The following SLC24A2 variants were observed in gnomAD, a reference collection of about 807,000 sequenced individuals.
SLC24A2 encodes the protein sodium/potassium/calcium exchanger 2.
In SLC24A2, 36 loss-of-function variants were observed where a neutral mutation model predicts 62.0. The ratio of observed to expected loss-of-function variants is 0.58; its 90% CI spans 0.44 to 0.77. The LOEUF is 0.77. SLC24A2 is among the 30% of genes least tolerant of loss of function. SLC24A2 has a pLI of 0.00. For synonymous variants in SLC24A2, 358 were observed against 294.0 expected (o/e 1.22, Z -2.23); for missense variants, 846 against 817.9 (o/e 1.03, Z -0.42).
the SLC24A2 span, among the ~76,000 whole-genome samples, chr9:19,809,396 T>C: frequency 1.3e-5 from 2 of 152,030 alleles, no homozygotes; most frequent in Non-Finnish European, 2.9e-5. Flanking sequence ...ACGTACCTGG[T>C]GGAAGATTAT....
the SLC24A2 span, among the ~76,000 whole-genome samples, chr9:19,915,506 C>G: frequency 0.016 from 2,452 of 152,164 alleles, 65 homozygotes; most frequent in African/African-American, 0.056. Flanking sequence ...GATTGCCAAA[C>G]TTTTTCCAGA....
the SLC24A2 span, among the ~76,000 whole-genome samples, chr9:20,196,810 AC>A: frequency 5.3e-5 from 8 of 152,244 alleles, no homozygotes; most frequent in African/African-American, 1.9e-4. Context: ...GCATAAAAAA[AC>A]AAATAATAGT....
the SLC24A2 span, among the ~76,000 whole-genome samples, chr9:19,833,747 G>A: frequency 2.3e-4 from 35 of 152,242 alleles, no homozygotes; most frequent in Non-Finnish European, 4.7e-4. Context: ...CCAGCACGCA[G>A]CTTGAGATCT....
intron 2 of SLC24A2, among the ~76,000 whole-genome samples, chr9:19,636,463 ACT>A (rs569662630): frequency 2.3e-5 from 3 of 132,112 alleles, no homozygotes; most frequent in African/African-American, 8.8e-5. Context: ...AGGGCATCTC[ACT>A]CTGTTACCCA....
At chr9:19,692,471 GTT>G (rs990086149) in intron 2 of SLC24A2, among the ~76,000 whole-genome samples, 21 of 151,886 alleles carry the variant, frequency 1.4e-4, no homozygotes, top group African/African-American at 5.1e-4. Flanking sequence ...CACCTTATTA[GTT>G]TTTTTTGGTC....
chr9:19,829,882 T>C, the SLC24A2 span, among the ~76,000 whole-genome samples: 1 of 150,678 alleles, frequency 6.6e-6, no homozygotes, highest in Non-Finnish European at 1.5e-5. Flanking sequence ...CTGGTGTAAT[T>C]ATTCATTTCC....
intron 8 of SLC24A2, among the ~76,000 whole-genome samples, chr9:19,532,957 C>A (rs2132676347): frequency 6.6e-6 from 1 of 152,264 alleles, no homozygotes; most frequent in South Asian, 2.1e-4. Context: ...CAGTTTTCAT[C>A]AAAGACTTGG....
rs1821537956 is a variant in SLC24A2 at position 19,737,294 on chromosome 9, C to T, written c.930+48643G>A. 2.0e-5 allele frequency among the ~76,000 whole-genome samples: 3 copies of T among 152,278 alleles called. No homozygotes were observed. The South Asian group carries it at 6.2e-4, about 32-fold the overall frequency. On this transcript the variant is annotated intron_variant, in intron 2 of 10. Coordinates refer to ENST00000341998, the MANE Select transcript of SLC24A2 (RefSeq NM_020344.4). ...TCTCCTTCCTTGACAAATATATCTT[C>T]ATGGTAACAAAATAAAATTATGATT...
chr9:19,691,072 C>T (rs539908688), intron 2 of SLC24A2, among the ~76,000 whole-genome samples: 41 of 152,106 alleles, frequency 2.7e-4, no homozygotes, highest in Non-Finnish European at 4.9e-4. Flanking sequence ...AGGCCCCAGA[C>T]GTCCAGCACA....
chr9:20,049,148 T>C, the SLC24A2 span, among the ~76,000 whole-genome samples: 2 of 152,094 alleles, frequency 1.3e-5, no homozygotes, highest in Admixed American at 6.6e-5. Flanking sequence ...AGACAAGATA[T>C]TAAGATGGGC....
In SLC24A2 at chr9:19,510,825, C is replaced by T. The variant is rs1304246968; in HGVS notation, c.*5328G>A. On this transcript the variant is annotated 3_prime_UTR_variant, in exon 11 of 11. Transcript: ENST00000341998. ...CGCTAATTTGAAAACAGTTGCCTAG[C>T]CTGTCGTAATTGCAGGGTCATTTTT... 6.6e-6 allele frequency: 1 copy of T among 152,252 alleles called. No homozygotes were observed. The highest frequency in any genetic ancestry group is 1.5e-5 in the Non-Finnish European group (1 of 68,078). The allele number at this position is 152,252 out of a possible 1,614,324, so 9.4% of individuals were successfully genotyped here. A position where few individuals can be genotyped will look rare whatever the true frequency, so the allele number is the denominator to read the frequency against.
At chr9:20,206,888 G>GGA in the SLC24A2 span, among the ~76,000 whole-genome samples, 7,056 of 150,360 alleles carry the variant, frequency 0.047, 571 homozygotes, top group African/African-American at 0.16. Context: ...AGTTGGGGGG[G>GGA]GCGGTTACGG....
chr9:19,565,025 T>C lies in SLC24A2; in HGVS notation c.1347+8326A>G, dbSNP rs949937566. 1.5e-4 allele frequency among the ~76,000 whole-genome samples: 23 copies of C among 152,134 alleles called. 1 individual carries two copies. Among genetic ancestry groups the C allele is most frequent in the Non-Finnish European group, 2.8e-4 (19 of 68,020 alleles). ...AACCTGGCTAAATTCTCAACATCACTGGAAGCATTCCCTTTGAAAACTGGC... is the reference window on the plus strand; with the variant it reads ...AACCTGGCTAAATTCTCAACATCACCGGAAGCATTCCCTTTGAAAACTGGC... On this transcript the variant is annotated intron_variant, in intron 7 of 10. Coordinates refer to ENST00000341998, the MANE Select transcript of SLC24A2 (RefSeq NM_020344.4).
chr9:19,878,527 A>G, the SLC24A2 span, among the ~76,000 whole-genome samples: 1 of 152,186 alleles, frequency 6.6e-6, no homozygotes, highest in Non-Finnish European at 1.5e-5. Context: ...CCCAAATTTC[A>G]TGTAGAATTG....
the SLC24A2 span, among the ~76,000 whole-genome samples, chr9:20,278,845 T>G: frequency 1.3e-5 from 2 of 152,190 alleles, no homozygotes; most frequent in Non-Finnish European, 2.9e-5. Flanking sequence ...AGCACCAATT[T>G]ATTGTATTAG....
At chr9:20,290,575 G>A in the SLC24A2 span, among the ~76,000 whole-genome samples, 2 of 152,236 alleles carry the variant, frequency 1.3e-5, no homozygotes, top group African/African-American at 4.8e-5. Flanking sequence ...CGCTTTAGCG[G>A]CTGGAATGAG....
At chr9:19,847,460 G>C in the SLC24A2 span, among the ~76,000 whole-genome samples, 14 of 152,160 alleles carry the variant, frequency 9.2e-5, no homozygotes, top group Admixed American at 4.6e-4. Context: ...CTTCTCATTG[G>C]TTGCTGATAT....
the SLC24A2 span, among the ~76,000 whole-genome samples, chr9:20,301,682 C>T: frequency 6.6e-6 from 1 of 151,752 alleles, no homozygotes; most frequent in Non-Finnish European, 1.5e-5. Context: ...AGAGCCTCCT[C>T]CATTATCAAC....
the SLC24A2 span, among the ~76,000 whole-genome samples, chr9:20,211,264 G>C: frequency 6.6e-6 from 1 of 152,150 alleles, no homozygotes; most frequent in Non-Finnish European, 1.5e-5. Flanking sequence ...TGTAATCCTA[G>C]CACTTTGAGA....
Sources: gnomAD v4.1 joint callset for allele counts (sites outside exome capture counted in the v4.1 genomes callset) on GRCh38, gnomAD v4.1.1 for gene constraint, MANE v1.5 for transcripts, NCBI Gene and HGNC (gene_info 2026-07-23, HGNC 2026-07-21) for gene names.